PLEKHM3: variants seen among roughly 807,000 people sequenced by gnomAD.
The protein encoded by PLEKHM3 is pleckstrin homology domain containing M3, also known as pleckstrin homology domain-containing family M member 3.
Under a neutral mutation model 81.8 loss-of-function variants are expected in PLEKHM3, and 45 were observed. The observed-to-expected ratio is 0.55, with a 90% CI of 0.43 to 0.71. The LOEUF is 0.71. Among genes scored for constraint, PLEKHM3 ranks in the 30% least tolerant of loss-of-function variants. The pLI is 0.00. For synonymous variants in PLEKHM3, 352 were observed against 356.4 expected (o/e 0.99, Z 0.14); for missense variants, 788 against 924.3 (o/e 0.85, Z 1.91).
intron 5 of PLEKHM3, among the ~76,000 whole-genome samples, chr2:207,919,839 G>A (rs1689121993): frequency 6.6e-6 from 1 of 152,166 alleles, no homozygotes; most frequent in East Asian, 1.9e-4. Flanking sequence ...AAGGGAAGGA[G>A]GGGGAAGGCA....
At chr2:207,972,760 C>T (rs568044073) in intron 3 of PLEKHM3, among the ~76,000 whole-genome samples, 16 of 152,188 alleles carry the variant, frequency 1.1e-4, no homozygotes, top group African/African-American at 3.9e-4. Flanking sequence ...TTTTTAAAAC[C>T]ATAACCTCAG....
In PLEKHM3 at chr2:208,001,287, T is replaced by C. The variant is rs1457864377; in HGVS notation, c.353A>G (p.Asn118Ser). ...WMEQKEASTF[N>S]FFNICQRRRD... ...CCGACGCTGACAGATATTGAAGAAA[T>C]TAAAGGTTGATGCTTCCTTTTGTTC... Residue 118 changes from asparagine (N) to serine (S), a missense_variant, in exon 2 of 8, where the codon AAT becomes AGT. Coordinates refer to ENST00000427836, the MANE Select transcript of PLEKHM3 (RefSeq NM_001080475.3). 1.2e-6 allele frequency: 2 copies of C among 1,614,054 alleles called. No individual in the cohort carries two copies. Among genetic ancestry groups the C allele is most frequent in the East Asian group, 4.5e-5 (2 of 44,888 alleles).
At chr2:207,941,402 G>C (rs553799742) in intron 4 of PLEKHM3, among the ~76,000 whole-genome samples, 202 of 152,318 alleles carry the variant, frequency 1.3e-3, no homozygotes, top group African/African-American at 4.6e-3. Context: ...AGTAAATGGT[G>C]CTGGGAAAAC....
intron 7 of PLEKHM3, among the ~76,000 whole-genome samples, chr2:207,859,080 G>C (rs1287919558): frequency 1.3e-5 from 2 of 151,048 alleles, no homozygotes; most frequent in Non-Finnish European, 2.9e-5. Context: ...CTTTCCGTTA[G>C]CATGTTTTCA....
chr2:207,932,930 T>G (rs1451805704), intron 4 of PLEKHM3, among the ~76,000 whole-genome samples: 1 of 152,196 alleles, frequency 6.6e-6, no homozygotes, highest in African/African-American at 2.4e-5. Flanking sequence ...AAACATAAAA[T>G]TCAATATGAT....
In PLEKHM3 at chr2:208,001,496, A is replaced by G. The variant is rs1300547279; in HGVS notation, c.144T>C (p.His48=). 1 of 1,614,198 alleles carries G rather than the reference A, an allele frequency of 6.2e-7. No homozygotes were observed. Among genetic ancestry groups the G allele is most frequent in the Non-Finnish European group, 8.5e-7 (1 of 1,180,026 alleles). Residue 48 remains histidine, a synonymous_variant, in exon 2 of 8, where the codon CAT becomes CAC. Transcript: ENST00000427836. ...TGTCTGTTATGTTACTGAGTACCTC[A>G]TGCCCCACCAGTTCAGGGACTTCCT... ...GIQEVPELVG[H]EVLSNITDNG...
At chr2:207,947,561 T>C (rs1690175702) in intron 3 of PLEKHM3, among the ~76,000 whole-genome samples, 2 of 152,266 alleles carry the variant, frequency 1.3e-5, no homozygotes, top group Non-Finnish European at 2.9e-5. Context: ...ATCATTAATC[T>C]GACATTTCTG....
chr2:207,908,457 A>G (rs907233857), intron 6 of PLEKHM3, 57 bp downstream of exon 6: 7 of 1,515,796 alleles, frequency 4.6e-6, no homozygotes, highest in Non-Finnish European at 6.4e-6. Flanking sequence ...ACCAAAGTCA[A>G]CAAAGAGACT....
chr2:207,828,815 GCAGTGA>G (rs1299575907), intron 7 of PLEKHM3, among the ~76,000 whole-genome samples: 1 of 152,150 alleles, frequency 6.6e-6, no homozygotes, highest in African/African-American at 2.4e-5. Context: ...AAGGGAATTG[GCAGTGA>G]CTCTAGAGTG....
chr2:207,894,120 A>T (rs916383537), intron 6 of PLEKHM3, among the ~76,000 whole-genome samples: 1 of 152,198 alleles, frequency 6.6e-6, no homozygotes, highest in Non-Finnish European at 1.5e-5. Flanking sequence ...GGTCTTAAAA[A>T]TAAATAATCA....
chr2:207,975,955 G>C lies in PLEKHM3; in HGVS notation c.1546+696C>G, dbSNP rs754167829. 3.3e-5 allele frequency among the ~76,000 whole-genome samples: 5 copies of C among 151,642 alleles called. No homozygotes were observed. The East Asian group carries it at 7.7e-4, about 24-fold the overall frequency. On this transcript the variant is annotated intron_variant, in intron 3 of 7. Transcript: ENST00000427836. ...TTTCAGGAAAGGTGGAAAGAATGGG[G>C]AGTAGAGGAAAGATGAAGTAACAAG...
At chr2:207,943,379 G>A (rs1277186260) in intron 4 of PLEKHM3, among the ~76,000 whole-genome samples, 1 of 152,138 alleles carries the variant, frequency 6.6e-6, no homozygotes, top group Non-Finnish European at 1.5e-5. Context: ...GTACATTCAA[G>A]GCAGATGTCA....
rs1479982858 is a variant in PLEKHM3, at chr2:207,922,862, C to T, written c.1886+8064G>A. Among the ~76,000 whole-genome samples the T allele has an allele frequency of 4.0e-5, 6 of 151,038 alleles. No individual in the cohort carries two copies. The East Asian group carries it at 1.2e-3, about 29-fold the overall frequency. ...AGCCCTTAAGTGCCAAATGCGTGGT[C>T]CAGATGATCACTGCTGGAAGAAACC... is the stretch of plus-strand genomic sequence containing the variant. On this transcript the variant is annotated intron_variant, in intron 5 of 7. Transcript: ENST00000427836.
Position 207,908,687 on chromosome 2 carries a change from T to C in PLEKHM3, c.1887-110A>G, listed in dbSNP as rs1386424573. ...TTCCTTTCCTCTGCCCTGTCCACTT[T>C]CCACCTATACTTCTCCTAAGCCCTC... On this transcript the variant is annotated intron_variant, in intron 5 of 7. Transcript: ENST00000427836. 4.4e-6 allele frequency: 4 copies of C among 908,606 alleles called. No individual in the cohort carries two copies. In the East Asian group the frequency reaches 1.1e-4, roughly 24 times the overall value. The allele number at this position is 908,606 out of a possible 1,614,324, so 56.3% of individuals were successfully genotyped here. A position where few individuals can be genotyped will look rare whatever the true frequency, so the allele number is the denominator to read the frequency against.
chr2:207,959,713 G>C (rs529232829), intron 3 of PLEKHM3, among the ~76,000 whole-genome samples: 2 of 152,276 alleles, frequency 1.3e-5, no homozygotes, highest in African/African-American at 4.8e-5. Context: ...GCATTTCTTA[G>C]AGTAATTCTA....
intron 3 of PLEKHM3, among the ~76,000 whole-genome samples, chr2:207,964,966 G>C (rs1053978971): frequency 6.6e-6 from 1 of 152,040 alleles, no homozygotes; most frequent in Non-Finnish European, 1.5e-5. Context: ...AAATAAGTTG[G>C]TACTGCTATA....
At chr2:207,962,237 A>C (rs1690759772) in intron 3 of PLEKHM3, among the ~76,000 whole-genome samples, 1 of 152,168 alleles carries the variant, frequency 6.6e-6, no homozygotes, top group Non-Finnish European at 1.5e-5. Flanking sequence ...GCTGGATATT[A>C]AGTTCAGTTG....
chr2:207,891,060 A>G (rs1688045966), intron 6 of PLEKHM3, among the ~76,000 whole-genome samples: 1 of 152,196 alleles, frequency 6.6e-6, no homozygotes, highest in Admixed American at 6.5e-5. Flanking sequence ...TTAAACTAAA[A>G]AAGATTAGTA....
At chr2:207,859,136 C>CTTTTTTTTTTTTTTTTTTT in intron 7 of PLEKHM3, among the ~76,000 whole-genome samples, 1 of 118,356 alleles carries the variant, frequency 8.4e-6, no homozygotes, top group Non-Finnish European at 1.7e-5. Flanking sequence ...TTTTCTTTTT[C>CTTTTTTTTTTTTTTTTTTT]TTTTTTTTTT....
Sources: allele counts gnomAD v4.1 joint callset (sites outside exome capture counted in the v4.1 genomes callset), GRCh38; gene constraint gnomAD v4.1.1; transcripts MANE v1.5; gene names NCBI Gene and HGNC (gene_info 2026-07-23, HGNC 2026-07-21).